GPR39: variants seen among roughly 807,000 people sequenced by gnomAD.
The protein encoded by GPR39 is zinc sensing receptor.
In GPR39, 23 loss-of-function variants were observed where a neutral mutation model predicts 18.4. That is an observed-to-expected ratio of 1.25 (90% CI 0.90 to 1.77). The LOEUF is 1.77. Among genes scored for constraint, GPR39 ranks in the 40% most tolerant of loss-of-function variants. The pLI is 0.00. For missense variants in GPR39, 647 were observed against 602.4 expected, an observed-to-expected ratio of 1.07 and a Z score of -0.78; for synonymous variants, 280 against 257.9, an observed-to-expected ratio of 1.09 and a Z score of -0.82.
chr2:132,446,139 T>C (rs1249673073), intron 1 of GPR39, among the ~76,000 whole-genome samples: 1 of 152,230 alleles, frequency 6.6e-6, no homozygotes, highest in Non-Finnish European at 1.5e-5. Context: ...ATTCTCTTAA[T>C]TGGCATAGAG....
chr2:132,472,600 C>T (rs892850404), intron 1 of GPR39, among the ~76,000 whole-genome samples: 4 of 152,064 alleles, frequency 2.6e-5, no homozygotes, highest in African/African-American at 9.7e-5. Context: ...GGAATGGAAA[C>T]CCACATATAT....
intron 1 of GPR39, among the ~76,000 whole-genome samples, chr2:132,437,555 G>T (rs1317448363): frequency 6.6e-6 from 1 of 152,206 alleles, no homozygotes; most frequent in African/African-American, 2.4e-5. Context: ...GGGTTGGCGG[G>T]CAGAGGCTGC....
At chr2:132,591,307 T>C (rs1349543181) in intron 1 of GPR39, among the ~76,000 whole-genome samples, 1 of 146,366 alleles carries the variant, frequency 6.8e-6, no homozygotes, top group East Asian at 2.1e-4. Flanking sequence ...ATTGTAGGAC[T>C]AGACCAGCGG....
At chr2:132,479,684 C>A (rs1021266599) in intron 1 of GPR39, among the ~76,000 whole-genome samples, 1 of 152,092 alleles carries the variant, frequency 6.6e-6, no homozygotes, top group Non-Finnish European at 1.5e-5. Context: ...TGGCTACTAT[C>A]AAAAAACCAG....
intron 1 of GPR39, among the ~76,000 whole-genome samples, chr2:132,590,278 GGAATGA>G (rs1177277158): frequency 3.9e-5 from 6 of 152,290 alleles, no homozygotes; most frequent in Admixed American, 2.6e-4. Flanking sequence ...AGAAATCTAA[GGAATGA>G]GAATGAGAGA....
intron 1 of GPR39, among the ~76,000 whole-genome samples, chr2:132,504,442 T>C (rs1679099770): frequency 6.6e-6 from 1 of 152,194 alleles, no homozygotes; most frequent in African/African-American, 2.4e-5. Context: ...CTAGAAGCTC[T>C]GGATAGTGAC....
At chr2:132,605,076 A>G (rs183130058) in intron 1 of GPR39, among the ~76,000 whole-genome samples, 210 of 152,322 alleles carry the variant, frequency 1.4e-3, no homozygotes, top group Non-Finnish European at 2.4e-3. Flanking sequence ...GGTACAGTCA[A>G]TGAGTGCTCA....
intron 1 of GPR39, among the ~76,000 whole-genome samples, chr2:132,585,961 T>TTTTTTG (rs1680721696): frequency 7.1e-6 from 1 of 141,334 alleles, no homozygotes; most frequent in African/African-American, 2.6e-5. Context: ...TTTTTTTTTT[T>TTTTTTG]TTTTTTTTTT....
chr2:132,526,175 A>G (rs1057413321), intron 1 of GPR39, among the ~76,000 whole-genome samples: 1 of 152,192 alleles, frequency 6.6e-6, no homozygotes, highest in Admixed American at 6.5e-5. Context: ...ATGTGTGTGT[A>G]ATGACAGGAC....
intron 1 of GPR39, among the ~76,000 whole-genome samples, chr2:132,473,667 G>A (rs997369499): frequency 6.6e-6 from 1 of 152,096 alleles, no homozygotes; most frequent in Admixed American, 6.5e-5. Flanking sequence ...TTAGCATTGC[G>A]ACTACCACTT....
At chr2:132,611,332 G>A (rs1269895245) in intron 1 of GPR39, among the ~76,000 whole-genome samples, 1 of 152,138 alleles carries the variant, frequency 6.6e-6, no homozygotes, top group Admixed American at 6.5e-5. Context: ...CACGCCAGGT[G>A]GTGAAGATTA....
In GPR39 at chr2:132,541,139, A is replaced by G. The variant is rs530537264; in HGVS notation, c.857-103962A>G. Reference sequence around the variant, plus strand: ...TGCTCTGTCAACCAGGCTGGAGTGCAGTGGCACAATCTCGGCTCACTGCAA... The same window carrying G: ...TGCTCTGTCAACCAGGCTGGAGTGCGGTGGCACAATCTCGGCTCACTGCAA... On this transcript the variant is annotated intron_variant, in intron 1 of 1. Coordinates refer to ENST00000329321, the MANE Select transcript of GPR39 (RefSeq NM_001508.3). Among the ~76,000 whole-genome samples the G allele has an allele frequency of 3.2e-3, 487 of 152,252 alleles. 2 individuals are homozygous for G. Among genetic ancestry groups the G allele is most frequent in the African/African-American group, 0.011 (459 of 41,548 alleles).
At chr2:132,486,309 G>A (rs1329276068) in intron 1 of GPR39, among the ~76,000 whole-genome samples, 1 of 152,188 alleles carries the variant, frequency 6.6e-6, no homozygotes, top group African/African-American at 2.4e-5. Flanking sequence ...TGGAAAATGT[G>A]TATTGGTTTT....
At chr2:132,530,193 A>T (rs183447277) in intron 1 of GPR39, among the ~76,000 whole-genome samples, 2 of 152,364 alleles carry the variant, frequency 1.3e-5, no homozygotes, top group African/African-American at 4.8e-5. Context: ...ATGGCACAAG[A>T]ACGATGTGAC....
intron 1 of GPR39, among the ~76,000 whole-genome samples, chr2:132,623,260 C>T (rs986801533): frequency 3.3e-5 from 5 of 152,266 alleles, no homozygotes; most frequent in African/African-American, 4.8e-5. Flanking sequence ...CTGGGATGGA[C>T]GAGGGAAGCC....
chr2:132,485,005 C>T (rs1681303826), intron 1 of GPR39, among the ~76,000 whole-genome samples: 2 of 152,120 alleles, frequency 1.3e-5, no homozygotes, highest in African/African-American at 4.8e-5. Flanking sequence ...TGTGAAACCA[C>T]TTATGGAAAC....
At chr2:132,450,430 G>A (rs1249410896) in intron 1 of GPR39, among the ~76,000 whole-genome samples, 5 of 152,204 alleles carry the variant, frequency 3.3e-5, no homozygotes, top group Admixed American at 2.0e-4. Flanking sequence ...TGAGAGGCCT[G>A]TACATTTTTT....
chr2:132,463,291 A>G lies in GPR39; in HGVS notation c.856+45393A>G, dbSNP rs1680865925. Among the ~76,000 whole-genome samples, 4 of 152,176 alleles carry G rather than the reference A, an allele frequency of 2.6e-5. No individual in the cohort carries two copies. In the South Asian group the frequency reaches 8.3e-4, roughly 32 times the overall value. On this transcript the variant is annotated intron_variant, in intron 1 of 1. Transcript: ENST00000329321. ...ACAGCTTGGTTTCCTTATACAAGGCACTGAGAGAAAGCAGGGCTAGGGTTC... is the reference window on the plus strand; with the variant it reads ...ACAGCTTGGTTTCCTTATACAAGGCGCTGAGAGAAAGCAGGGCTAGGGTTC...
intron 1 of GPR39, among the ~76,000 whole-genome samples, chr2:132,643,057 G>A (rs889768271): frequency 5.3e-5 from 8 of 152,122 alleles, no homozygotes; most frequent in Admixed American, 1.3e-4. Context: ...TGTACTCCTC[G>A]AAGTGGGAGA....
Sources: gnomAD v4.1 joint callset for allele counts (sites outside exome capture counted in the v4.1 genomes callset) on GRCh38, gnomAD v4.1.1 for gene constraint, MANE v1.5 for transcripts, NCBI Gene and HGNC (gene_info 2026-07-23, HGNC 2026-07-21) for gene names.